Variants in NT5DC3 observed in about 807,000 individuals in gnomAD.
NT5DC3 encodes the protein 5'-nucleotidase domain-containing protein 3.
NT5DC3 carries 42 observed loss-of-function variants against 67.8 expected under a neutral mutation model. That is an observed-to-expected ratio of 0.62 (90% CI 0.48 to 0.80). NT5DC3 has a LOEUF of 0.80. Ranked by LOEUF, NT5DC3 falls within the 30% of genes least tolerant of loss-of-function variation. The probability of loss-of-function intolerance (pLI) is 0.00; values close to 1 mark genes in which losing one functional copy is unlikely to be tolerated. For synonymous variants in NT5DC3, 237 were observed against 255.6 expected, an observed-to-expected ratio of 0.93 and a Z score of 0.69; for missense variants, 570 against 696.4, an observed-to-expected ratio of 0.82 and a Z score of 2.04.
chr12:103,827,816 C>G (rs1397666547), intron 1 of NT5DC3, among the ~76,000 whole-genome samples: 2 of 152,134 alleles, frequency 1.3e-5, no homozygotes, highest in African/African-American at 4.8e-5. Flanking sequence ...TAATAGAATT[C>G]TATCATTGTC....
chr12:103,820,906 C>T (rs994933203), intron 1 of NT5DC3: 7 of 152,242 alleles, frequency 4.6e-5, no homozygotes, highest in African/African-American at 1.7e-4. Flanking sequence ...TGTCTGGGCC[C>T]CTCCAGTGTG....
chr12:103,787,433 C>T lies in NT5DC3; in HGVS notation c.1188+8G>A, dbSNP rs1289479143. 4.0e-6 allele frequency: 6 copies of T among 1,507,220 alleles called. No homozygotes were observed. Among genetic ancestry groups the T allele is most frequent in the Admixed American group, 4.0e-5 (2 of 50,434 alleles). The allele number at this position is 1,507,220 out of a possible 1,614,324, so 93.4% of individuals were successfully genotyped here. A position where few individuals can be genotyped will look rare whatever the true frequency, so the allele number is the denominator to read the frequency against. On this transcript the variant is annotated splice_region_variant and intron_variant, in intron 11 of 13. Transcript: ENST00000392876. The stretch of plus-strand genomic sequence containing the variant: ...TGTCCCCCAACAAAGGAAAAAAGGG[C>T]CCCTCACCGCCAGGTCACTGTATAT...
chr12:103,807,098 T>C lies in NT5DC3; in HGVS notation c.394-169A>G, dbSNP rs575205754. ...CTCTGCTTCCAATCCAAGCGCCTCC[T>C]AGCAAGCACGCTGGCCAGAGCCTTC... is the stretch of plus-strand genomic sequence containing the variant. On this transcript the variant is annotated intron_variant, in intron 2 of 13. Transcript: ENST00000392876. Among the ~76,000 whole-genome samples the C allele has an allele frequency of 1.1e-3, 166 of 152,290 alleles. 2 individuals carry two copies. Among genetic ancestry groups the C allele is most frequent in the Non-Finnish European group, 7.4e-5 (5 of 67,998 alleles).
At chr12:103,814,196 TA>T (rs1887151978) in intron 2 of NT5DC3, among the ~76,000 whole-genome samples, 1 of 152,156 alleles carries the variant, frequency 6.6e-6, no homozygotes, top group Non-Finnish European at 1.5e-5. Flanking sequence ...CAAGGAGGCT[TA>T]AGAAACATGT....
chr12:103,760,531 G>A, the NT5DC3 span, among the ~76,000 whole-genome samples: 2 of 152,310 alleles, frequency 1.3e-5, no homozygotes, highest in East Asian at 3.9e-4. Flanking sequence ...AAAGTGCTAG[G>A]ATCACAGGGG....
At chr12:103,762,407 G>C in the NT5DC3 span, 1 of 1,614,204 alleles carries the variant, frequency 6.2e-7, no homozygotes, top group South Asian at 1.1e-5. Context: ...TTTGAGGTAA[G>C]AGAGAAAAAT....
chr12:103,746,550 C>A, the NT5DC3 span: 1 of 1,587,128 alleles, frequency 6.3e-7, no homozygotes, highest in Non-Finnish European at 8.7e-7. Flanking sequence ...TGGGTTTTAA[C>A]TCTTCACACC....
At chr12:103,830,428 T>C (rs757835041) in intron 1 of NT5DC3, among the ~76,000 whole-genome samples, 26 of 152,256 alleles carry the variant, frequency 1.7e-4, no homozygotes, top group Non-Finnish European at 3.7e-4. Context: ...TCATTTGTTT[T>C]GGAAAACTCT....
At chr12:103,746,440 G>T in the NT5DC3 span, 1 of 649,666 alleles carries the variant, frequency 1.5e-6, no homozygotes, top group South Asian at 1.9e-5. Flanking sequence ...AATCTCCAAG[G>T]CTAGAAAAGA....
At chr12:103,759,415 A>G in the NT5DC3 span, 1 of 1,225,818 alleles carries the variant, frequency 8.2e-7, no homozygotes, top group Non-Finnish European at 1.1e-6. Context: ...TTAACTGCCC[A>G]CTACAGCATA....
chr12:103,788,509 T>C (rs1017494142), intron 10 of NT5DC3, among the ~76,000 whole-genome samples: 15 of 152,210 alleles, frequency 9.9e-5, no homozygotes, highest in African/African-American at 3.1e-4. Context: ...AAATAATTAG[T>C]AATTTGAGTG....
At chr12:103,746,633 A>G in the NT5DC3 span, 6 of 1,614,144 alleles carry the variant, frequency 3.7e-6, no homozygotes, top group Non-Finnish European at 5.1e-6. Flanking sequence ...TGTTCTGCTC[A>G]TGCCACCTGT....
At chr12:103,778,274 T>C (rs1338092364) in intron 13 of NT5DC3, among the ~76,000 whole-genome samples, 193 bp from the exon 14 acceptor site, 1 of 152,106 alleles carries the variant, frequency 6.6e-6, no homozygotes, top group Non-Finnish European at 1.5e-5. Context: ...CTCACATCTG[T>C]AATCCCAGCA....
chr12:103,766,500 G>A (rs1356923956), downstream of NT5DC3: 3 of 761,254 alleles, frequency 3.9e-6, no homozygotes, highest in South Asian at 1.9e-5. Flanking sequence ...GGTGAGAGAT[G>A]TGTTGCTGTG....
chr12:103,783,457 T>C (rs1566099662), intron 12 of NT5DC3, among the ~76,000 whole-genome samples: 1 of 152,234 alleles, frequency 6.6e-6, no homozygotes, highest in Non-Finnish European at 1.5e-5. Context: ...GTTTCAGAAC[T>C]ACTTCAAAGA....
intron 4 of NT5DC3, among the ~76,000 whole-genome samples, chr12:103,805,292 A>C (rs11111794): frequency 0.14 from 21,697 of 152,214 alleles, 1,702 homozygotes; most frequent in Middle Eastern, 0.28. Context: ...AAAGACTTTA[A>C]AGGTTTTAGG....
chr12:103,766,245 A>G (rs1566090262), downstream of NT5DC3: 1 of 1,613,632 alleles, frequency 6.2e-7, no homozygotes, highest in Admixed American at 1.7e-5. Context: ...AGGACTCAAC[A>G]CACAGAATGC....
Position 103,841,024 on chromosome 12 carries a change from T to A in NT5DC3, c.133A>T (p.Thr45Ser). The change falls in exon 1 of 14, where the codon ACT becomes TCT. Residue 45 changes from threonine to serine, a missense_variant. Thr to Ser is a moderately conservative substitution (Grantham distance 58). Around this residue, in one of 2 missense-constraint regions of NT5DC3, gnomAD observed 104 missense variants for 88.4 expected, o/e 1.18. Transcript: ENST00000392876. Reference sequence around the variant, plus strand: ...ATGTCCGGGGCGGTCCCGGGTGCAGTGCACAAGGGCCGGGCGGGGCCCGCA... The same window carrying A: ...ATGTCCGGGGCGGTCCCGGGTGCAGAGCACAAGGGCCGGGCGGGGCCCGCA... The part of the protein sequence containing the change: ...PCAGPARPLC[T>S]APGTAPDMKR... 1.6e-6 allele frequency: 2 copies of A among 1,283,798 alleles called. No individual in the cohort carries two copies. The highest frequency in any genetic ancestry group is 9.9e-7 in the Non-Finnish European group (1 of 1,014,474). 79.5% of individuals were successfully genotyped at this position (1,283,798 alleles called of 1,614,324 possible).
chr12:103,826,101 T>C (rs1376164210), intron 1 of NT5DC3, among the ~76,000 whole-genome samples: 2 of 152,196 alleles, frequency 1.3e-5, no homozygotes, highest in African/African-American at 4.8e-5. Flanking sequence ...GTCCCTTCTT[T>C]TTTCTATTCA....
Sources: allele counts gnomAD v4.1 joint callset (sites outside exome capture counted in the v4.1 genomes callset), GRCh38; gene constraint gnomAD v4.1.1; regional missense constraint gnomAD v4.1.1; transcripts MANE v1.5; gene names NCBI Gene and HGNC (gene_info 2026-07-23, HGNC 2026-07-21).